Variants in SLC13A3 observed in about 807,000 individuals in gnomAD.
The protein encoded by SLC13A3 is solute carrier family 13 member 3, also known as Na(+)/dicarboxylate cotransporter 3.
SLC13A3 carries 40 observed loss-of-function variants against 59.0 expected under a neutral mutation model. The ratio of observed to expected loss-of-function variants is 0.68; its 90% CI spans 0.53 to 0.88. SLC13A3 has a LOEUF of 0.88. SLC13A3 is among the 40% of genes least tolerant of loss of function. SLC13A3 has a pLI of 0.00. For synonymous variants in SLC13A3, 317 were observed against 330.3 expected (o/e 0.96, Z 0.44); for missense variants, 699 against 783.2 (o/e 0.89, Z 1.28).
intron 1 of SLC13A3, among the ~76,000 whole-genome samples, chr20:46,619,348 A>G (rs2062592178): frequency 6.6e-6 from 1 of 152,230 alleles, no homozygotes; most frequent in Non-Finnish European, 1.5e-5. Context: ...ATAGAGTCCA[A>G]GCTCTGTCAT....
rs114775472 is a variant in SLC13A3 at position 46,560,878 on chromosome 20, G to A, written c.1633-680C>T. On this transcript the variant is annotated intron_variant, in intron 12 of 12. Coordinates refer to ENST00000279027, the MANE Select transcript of SLC13A3 (RefSeq NM_022829.6). ...CCCACCTGGGTCTTCTGGCTGCCCC[G>A]CCTTCACATAGCCCAGGCTGAATCA... Among the ~76,000 whole-genome samples the A allele has an allele frequency of 6.4e-3, 967 of 152,266 alleles. 9 individuals carry two copies. The highest frequency in any genetic ancestry group is 0.021 in the African/African-American group (892 of 41,562).
At chr20:46,597,636 C>T (rs145889709) in intron 4 of SLC13A3, among the ~76,000 whole-genome samples, 2,650 of 152,246 alleles carry the variant, frequency 0.017, 86 homozygotes, top group African/African-American at 0.06. Context: ...AGGGTTTCAC[C>T]ATGTTGGCCT....
intron 1 of SLC13A3, among the ~76,000 whole-genome samples, chr20:46,682,653 T>C (rs574890465): frequency 1.3e-5 from 2 of 152,290 alleles, no homozygotes; most frequent in South Asian, 4.2e-4. Flanking sequence ...GGTTAATGCA[T>C]GGAAAGAACG....
intron 8 of SLC13A3, 151 bp from the exon 9 acceptor site, chr20:46,583,820 T>C: frequency 4.1e-6 from 6 of 1,470,324 alleles, no homozygotes; most frequent in Non-Finnish European, 5.4e-6. Context: ...TGTCCTTCAG[T>C]GCGCTCAGCA....
At chr20:46,610,926 A>C (rs1181121075) in intron 2 of SLC13A3, among the ~76,000 whole-genome samples, 4 of 150,042 alleles carry the variant, frequency 2.7e-5, no homozygotes, top group Non-Finnish European at 3.0e-5. Context: ...ACACTCCACT[A>C]TCTTTCCCTC....
chr20:46,563,313 G>T, intron 12 of SLC13A3, 101 bp downstream of exon 12: 1 of 1,349,406 alleles, frequency 7.4e-7, no homozygotes, highest in Non-Finnish European at 1.0e-6. Flanking sequence ...CAGAGACTGG[G>T]GAGTGGGGTC....
chr20:46,618,952 C>T (rs940856091), intron 1 of SLC13A3, among the ~76,000 whole-genome samples: 7 of 152,186 alleles, frequency 4.6e-5, no homozygotes, highest in African/African-American at 4.8e-5. Context: ...ATAACTGAGG[C>T]ATGTCGAATA....
upstream of SLC13A3, among the ~76,000 whole-genome samples, chr20:46,672,316 C>T (rs901676957): frequency 6.6e-5 from 10 of 152,230 alleles, no homozygotes; most frequent in African/African-American, 1.9e-4. Context: ...GGTGCTGCAC[C>T]GAGCAGTAGT....
intron 3 of SLC13A3, among the ~76,000 whole-genome samples, chr20:46,601,849 G>C (rs1421104775): frequency 6.6e-6 from 1 of 152,148 alleles, no homozygotes; most frequent in African/African-American, 2.4e-5. Flanking sequence ...GCAGGGGCCA[G>C]AGGGAGGAGA....
At chr20:46,614,473 T>C (rs1253903134) in intron 1 of SLC13A3, among the ~76,000 whole-genome samples, 2 of 152,104 alleles carry the variant, frequency 1.3e-5, no homozygotes, top group African/African-American at 2.4e-5. Flanking sequence ...TCAGAGGCAG[T>C]AGGAAGCTAC....
At chr20:46,643,860 T>C (rs2062868914) in intron 1 of SLC13A3, among the ~76,000 whole-genome samples, 1 of 151,934 alleles carries the variant, frequency 6.6e-6, no homozygotes, top group Non-Finnish European at 1.5e-5. Context: ...TTGAGTGGCA[T>C]GACTCCATCT....
At chr20:46,618,431 T>C (rs1283609735) in intron 1 of SLC13A3, among the ~76,000 whole-genome samples, 1 of 152,230 alleles carries the variant, frequency 6.6e-6, no homozygotes, top group Non-Finnish European at 1.5e-5. Flanking sequence ...AGCACCTCCT[T>C]GCTATGGTCT....
intron 1 of SLC13A3, among the ~76,000 whole-genome samples, chr20:46,615,482 A>C (rs1369558355): frequency 1.3e-5 from 2 of 152,196 alleles, no homozygotes; most frequent in African/African-American, 4.8e-5. Context: ...CAATCCAGGC[A>C]ACAGACACCG....
At chr20:46,584,195 C>T in intron 8 of SLC13A3, 3 of 985,368 alleles carry the variant, frequency 3.0e-6, no homozygotes, top group Non-Finnish European at 3.6e-6. Flanking sequence ...GAGTTTTGCG[C>T]ACATTAAGCC....
At chr20:46,648,050 T>C (rs1219484890) in intron 1 of SLC13A3, among the ~76,000 whole-genome samples, 1 of 152,200 alleles carries the variant, frequency 6.6e-6, no homozygotes, top group Non-Finnish European at 1.5e-5. Flanking sequence ...CTGTCTTGAA[T>C]TGCCCAGCAA....
chr20:46,614,701 T>C (rs2062538151), intron 1 of SLC13A3, among the ~76,000 whole-genome samples: 1 of 152,200 alleles, frequency 6.6e-6, no homozygotes, highest in African/African-American at 2.4e-5. Context: ...CCCCATTTGA[T>C]GGATTAGGAA....
intron 1 of SLC13A3, among the ~76,000 whole-genome samples, chr20:46,632,912 T>TCTACCCACCCAG (rs1236408735): frequency 0.17 from 9,279 of 55,138 alleles, 797 homozygotes; most frequent in Admixed American, 0.23. Context: ...TAGATAGATA[T>TCTACCCACCCAG]ATCTATCTAT....
chr20:46,579,659 G>A (rs6094380), intron 9 of SLC13A3, among the ~76,000 whole-genome samples: 1 of 152,194 alleles, frequency 6.6e-6, no homozygotes, highest in East Asian at 1.9e-4. Context: ...CCTGGGCTAA[G>A]GGCACACATT....
chr20:46,640,767 G>A (rs182291097), intron 1 of SLC13A3, among the ~76,000 whole-genome samples: 19 of 152,258 alleles, frequency 1.2e-4, no homozygotes, highest in Non-Finnish European at 2.4e-4. Context: ...TTCCAGGCCC[G>A]GGCCAGGTCT....
Sources: gnomAD v4.1 joint callset for allele counts (sites outside exome capture counted in the v4.1 genomes callset) on GRCh38, gnomAD v4.1.1 for gene constraint, MANE v1.5 for transcripts, NCBI Gene and HGNC (gene_info 2026-07-23, HGNC 2026-07-21) for gene names.